Variants in DOK6 observed in about 807,000 individuals in gnomAD.
The protein encoded by DOK6 is docking protein 6.
In DOK6, 22 loss-of-function variants were observed where a neutral mutation model predicts 44.0. The observed-to-expected ratio is 0.50, with a 90% CI of 0.36 to 0.71. The LOEUF is 0.71. Ranked by LOEUF, DOK6 falls within the 30% of genes least tolerant of loss-of-function variation. The pLI is 0.00. For missense variants in DOK6, 340 were observed against 416.4 expected, an observed-to-expected ratio of 0.82 and a Z score of 1.60; for synonymous variants, 166 against 145.5, an observed-to-expected ratio of 1.14 and a Z score of -1.01.
chr18:69,569,845 A>G (rs1983071961), intron 2 of DOK6, among the ~76,000 whole-genome samples: 1 of 152,214 alleles, frequency 6.6e-6, no homozygotes, highest in Non-Finnish European at 1.5e-5. Context: ...ACCATATGGT[A>G]CATATGGATA....
At chr18:69,602,088 A>G (rs117316218) in intron 3 of DOK6, among the ~76,000 whole-genome samples, 13 of 152,294 alleles carry the variant, frequency 8.5e-5, no homozygotes, top group Non-Finnish European at 1.5e-4. Context: ...CTCTGTCCAG[A>G]GGAGGTGGAG....
chr18:69,832,407 T>TG (rs1235164732), intron 7 of DOK6: 1 of 152,198 alleles, frequency 6.6e-6, no homozygotes, highest in East Asian at 1.9e-4. Flanking sequence ...ATCTCTTTAA[T>TG]GTGTTGTTTA....
intron 1 of DOK6, among the ~76,000 whole-genome samples, chr18:69,413,226 CAATT>C: frequency 6.6e-6 from 1 of 152,072 alleles, no homozygotes; most frequent in South Asian, 2.1e-4. Flanking sequence ...GGAAGTGACT[CAATT>C]AAGTTTTAAA....
intron 2 of DOK6, among the ~76,000 whole-genome samples, chr18:69,574,821 T>C (rs1983200882): frequency 6.6e-6 from 1 of 152,102 alleles, no homozygotes; most frequent in Non-Finnish European, 1.5e-5. Context: ...TTTTGTGGTG[T>C]CATAGCCAAT....
intron 4 of DOK6, among the ~76,000 whole-genome samples, chr18:69,685,357 C>G (rs1359641331): frequency 6.6e-6 from 1 of 152,062 alleles, no homozygotes; most frequent in African/African-American, 2.4e-5. Flanking sequence ...TGCTATGGGG[C>G]CTTGGTCAGA....
In DOK6 at chr18:69,844,020, A is replaced by G. The variant is rs2145144122; in HGVS notation, c.*2637A>G. On this transcript the variant is annotated 3_prime_UTR_variant, in exon 8 of 8. Coordinates refer to ENST00000382713, the MANE Select transcript of DOK6 (RefSeq NM_152721.6). ...ACAGATAAATCTTCTACCAAAACCA[A>G]AGATGGAAAGTCACTGCACCAGTCT... 6.6e-6 allele frequency: 1 copy of G among 152,292 alleles called. No individual in the cohort carries two copies. The highest frequency in any genetic ancestry group is 1.5e-5 in the Non-Finnish European group (1 of 68,028). 9.4% of individuals were successfully genotyped at this position (152,292 alleles called of 1,614,324 possible).
At chr18:69,477,011 G>T (rs1371480900) in intron 1 of DOK6, among the ~76,000 whole-genome samples, 1 of 152,184 alleles carries the variant, frequency 6.6e-6, no homozygotes, top group Non-Finnish European at 1.5e-5. Flanking sequence ...TCTTAATTCT[G>T]TGAGTGCTGT....
chr18:69,664,191 C>T (rs553642630), intron 3 of DOK6, among the ~76,000 whole-genome samples: 1 of 152,234 alleles, frequency 6.6e-6, no homozygotes, highest in South Asian at 2.1e-4. Context: ...GGTTTATTTT[C>T]ATACTTCTGT....
intron 2 of DOK6, among the ~76,000 whole-genome samples, chr18:69,595,993 G>T (rs1352903532): frequency 2.6e-5 from 4 of 151,986 alleles, no homozygotes; most frequent in Non-Finnish European, 4.4e-5. Flanking sequence ...TTTTCAACCG[G>T]GTGTGGAAAA....
chr18:69,543,314 A>C (rs1982317924), intron 1 of DOK6, among the ~76,000 whole-genome samples: 1 of 151,514 alleles, frequency 6.6e-6, no homozygotes, highest in African/African-American at 2.4e-5. Flanking sequence ...TCTTTTAGGG[A>C]GTTTGGATAC....
At chr18:69,707,282 T>C (rs1047816251) in intron 5 of DOK6, among the ~76,000 whole-genome samples, 5 of 152,216 alleles carry the variant, frequency 3.3e-5, no homozygotes, top group African/African-American at 9.6e-5. Context: ...ATAGATTCAA[T>C]GCCATCCCCA....
intron 6 of DOK6, among the ~76,000 whole-genome samples, chr18:69,749,659 G>A (rs1009245375): frequency 5.3e-5 from 8 of 152,220 alleles, no homozygotes; most frequent in Middle Eastern, 3.4e-3. Context: ...TCAATGAGTT[G>A]GCCGGGTGCA....
rs1241201351 is a variant in DOK6 at position 69,717,055 on chromosome 18, C to T, written c.599+18462C>T. On this transcript the variant is annotated intron_variant, in intron 5 of 7. Coordinates refer to ENST00000382713, the MANE Select transcript of DOK6 (RefSeq NM_152721.6). ...ATATGAATATACTATAATTCCTTTA[C>T]CCACTCACCAGTTGAGAATTTTAAA... Among the ~76,000 whole-genome samples the T allele has an allele frequency of 3.3e-5, 5 of 152,252 alleles. No individual in the cohort carries two copies. The South Asian group carries it at 6.2e-4, about 19-fold the overall frequency.
At chr18:69,731,837 A>G (rs941210041) in intron 5 of DOK6, among the ~76,000 whole-genome samples, 1 of 152,218 alleles carries the variant, frequency 6.6e-6, no homozygotes, top group Non-Finnish European at 1.5e-5. Context: ...CATAAATGAC[A>G]GAATTCAAGT....
intron 7 of DOK6, among the ~76,000 whole-genome samples, chr18:69,796,336 G>A (rs1231460274): frequency 2.6e-5 from 4 of 152,104 alleles, no homozygotes; most frequent in Admixed American, 1.3e-4. Context: ...TGTCTGCAAC[G>A]ATAATAGCAG....
intron 1 of DOK6, among the ~76,000 whole-genome samples, chr18:69,552,448 T>C (rs1982588679): frequency 6.6e-6 from 1 of 152,148 alleles, no homozygotes. Context: ...TTTGTATTTG[T>C]AAATGTTTTT....
chr18:69,533,464 C>T (rs1484174347), intron 1 of DOK6, among the ~76,000 whole-genome samples: 2 of 152,014 alleles, frequency 1.3e-5, no homozygotes, highest in African/African-American at 4.8e-5. Flanking sequence ...TAGGCATTAT[C>T]TCACTGAAAA....
chr18:69,827,111 G>T (rs1327693854), intron 7 of DOK6, among the ~76,000 whole-genome samples: 1 of 152,146 alleles, frequency 6.6e-6, no homozygotes, highest in Non-Finnish European at 1.5e-5. Context: ...CTACTTGGTA[G>T]TCCCATTGAA....
chr18:69,579,646 C>G (rs908581908), intron 2 of DOK6, among the ~76,000 whole-genome samples: 1 of 152,116 alleles, frequency 6.6e-6, no homozygotes, highest in Non-Finnish European at 1.5e-5. Context: ...TCACTGCAAC[C>G]TCCAGCTCCC....
Sources: gnomAD v4.1 joint callset for allele counts (sites outside exome capture counted in the v4.1 genomes callset) on GRCh38, gnomAD v4.1.1 for gene constraint, MANE v1.5 for transcripts, NCBI Gene and HGNC (gene_info 2026-07-23, HGNC 2026-07-21) for gene names.